The following DCHS1 variants were observed in gnomAD, a reference collection of about 807,000 sequenced individuals.
The protein encoded by DCHS1 is protocadherin-16.
A neutral mutation model predicts 213.9 loss-of-function variants in DCHS1; 78 were observed. The observed-to-expected ratio is 0.36, with a 90% CI of 0.30 to 0.44. The LOEUF is 0.44. DCHS1 is among the 20% of genes least tolerant of loss of function. The probability of loss-of-function intolerance (pLI) is 1.00; values close to 1 mark genes in which losing one functional copy is unlikely to be tolerated. For synonymous variants in DCHS1, 1,828 were observed against 1,873.7 expected, an observed-to-expected ratio of 0.98 and a Z score of 0.63; for missense variants, 3,946 against 4,395.9, an observed-to-expected ratio of 0.90 and a Z score of 2.89.
In DCHS1 at chr11:6,626,993, A is replaced by T; in HGVS notation, c.6046T>A (p.Tyr2016Asn). ...TPPPGTTVDS[Y>N]TGEIRVARSP... Reference sequence around the variant, plus strand: ...CGGGCCACGCGGATTTCACCAGTGTAAGAGTCCACAGTAGTGCCAGGAGGT... The same window carrying T: ...CGGGCCACGCGGATTTCACCAGTGTTAGAGTCCACAGTAGTGCCAGGAGGT... Residue 2016 changes from tyrosine (Y) to asparagine (N), a missense_variant, in exon 14 of 21, where the codon TAC becomes AAC. By Grantham distance (143) the Tyr-to-Asn change is moderately radical (BLOSUM62 -2). This residue lies in a region of DCHS1 where 3,384 missense variants were observed against 3,780.1 expected (regional missense o/e 0.90). Transcript: ENST00000299441. This position sits in a 1 kb window ranked among gnomAD's most constrained non-coding sequence, Gnocchi z 5.2. The T allele has an allele frequency of 6.2e-7, 1 of 1,613,748 alleles. No individual in the cohort carries two copies. Among genetic ancestry groups the T allele is most frequent in the Middle Eastern group, 1.6e-4 (1 of 6,062 alleles).
At position 6,626,714 on chromosome 11, in the gene DCHS1, T is replaced by C. The variant is rs370666095; in HGVS notation, c.6251-49A>G. Reference sequence around the variant, plus strand: ...GACTGTGAGCGCGAGACTGGGAGAGTTTGGGGGACATTTTCAAAGCACAAC... The same window carrying C: ...GACTGTGAGCGCGAGACTGGGAGAGCTTGGGGGACATTTTCAAAGCACAAC... On this transcript the variant is annotated intron_variant, in intron 14 of 20. Coordinates refer to ENST00000299441, the MANE Select transcript of DCHS1 (RefSeq NM_003737.4). The surrounding 1 kb of genome is among the most constrained non-coding windows in gnomAD (Gnocchi z 5.2). 60 of 1,609,392 alleles carry C rather than the reference T, an allele frequency of 3.7e-5. No individual in the cohort carries two copies. The highest frequency in any genetic ancestry group is 4.5e-5 in the Non-Finnish European group (53 of 1,178,120).
chr11:6,632,741 C>T lies in DCHS1; in HGVS notation c.2771G>A (p.Gly924Asp), dbSNP rs144475429. ...GGTAAAGGTGACTCGACTGTTAACA[C>T]CTGAGTCGGGGTCAAGAGCCCGCAG... is the stretch of plus-strand genomic sequence containing the variant. ...YTLRALDPDS[G>D]VNSRVTFTLL... is the part of the protein sequence containing the mutation. The change falls in exon 6 of 21, where the codon GGT becomes GAT. Residue 924 changes from glycine (G) to aspartate (D), a missense_variant. Physicochemically the swap from Gly to Asp is moderately conservative, Grantham distance 94. Around this residue, in one of 3 missense-constraint regions of DCHS1, gnomAD observed 3,384 missense variants for 3,780.1 expected, o/e 0.90. Transcript: ENST00000299441. This position sits in a 1 kb window ranked among gnomAD's most constrained non-coding sequence, Gnocchi z 5.9. 4 of 1,610,658 alleles carry T rather than the reference C, an allele frequency of 2.5e-6. No homozygotes were observed. Among genetic ancestry groups the T allele is most frequent in the Non-Finnish European group, 3.4e-6 (4 of 1,178,466 alleles).
Position 6,621,913 on chromosome 11 carries a change from A to G in DCHS1, c.9763T>C (p.Ser3255Pro). Residue 3255 changes from serine (S) to proline (P), a missense_variant, in exon 21 of 21, where the codon TCA (serine) becomes CCA (proline). Ser to Pro is a moderately conservative substitution (Grantham distance 74). Coordinates refer to ENST00000299441, the MANE Select transcript of DCHS1 (RefSeq NM_003737.4). ...LSSAAMSPSF[S>P]PSLSPLAARS... The stretch of plus-strand genomic sequence containing the variant: ...GCAGCCAGAGGAGACAGAGAGGGTG[A>G]GAAGCTGGGGGACATGGCAGCTGAG... 1 of 1,613,212 alleles carries G rather than the reference A, an allele frequency of 6.2e-7. No individual in the cohort carries two copies. Among genetic ancestry groups the G allele is most frequent in the Non-Finnish European group, 8.5e-7 (1 of 1,179,540 alleles).
intron 2 of DCHS1, 122 bp from the exon 3 acceptor site, chr11:6,634,428 G>A (rs986890685): frequency 1.0e-5 from 12 of 1,161,396 alleles, no homozygotes; most frequent in African/African-American, 1.5e-5. Context: ...GAGAGGACTA[G>A]TAGGACATGG....
At position 6,627,247 on chromosome 11, in the gene DCHS1, G is replaced by A; in HGVS notation, c.5792C>T (p.Ala1931Val). The A allele has an allele frequency of 6.2e-7, 1 of 1,613,422 alleles. No homozygotes were observed. Among genetic ancestry groups the A allele is most frequent in the Non-Finnish European group, 8.5e-7 (1 of 1,179,868 alleles). Residue 1931 changes from alanine (A) to valine (V), a missense_variant, in exon 14 of 21, where the codon GCA becomes GTA. Physicochemically the swap from Ala to Val is moderately conservative, Grantham distance 64. This residue lies in a region of DCHS1 where 3,384 missense variants were observed against 3,780.1 expected (regional missense o/e 0.90). Coordinates refer to ENST00000299441, the MANE Select transcript of DCHS1 (RefSeq NM_003737.4). This position sits in a 1 kb window ranked among gnomAD's most constrained non-coding sequence, Gnocchi z 5.4. The part of the protein sequence containing the change: ...QCPSYTFSVS[A>V]VDGAAAGPLS... ...GGGCCCAGCAGCTGCACCATCCACT[G>A]CACTCACAGAAAAGGTGTAGCTGGG...
In DCHS1 at chr11:6,626,365, C is replaced by T. The variant is rs142577975; in HGVS notation, c.6380G>A (p.Arg2127His). ...IQPSTGAITVRSAEGLDFEVS... is the reference protein window; with the variant it reads ...IQPSTGAITVHSAEGLDFEVS... Reference sequence around the variant, plus strand: ...CTCGAAGTCTAGCCCCTCTGCTGAGCGAACTGTGATGGCACCTGGGCGAGA... The same window carrying T: ...CTCGAAGTCTAGCCCCTCTGCTGAGTGAACTGTGATGGCACCTGGGCGAGA... The change falls in exon 16 of 21, where the codon CGC becomes CAC. Residue 2127 changes from arginine to histidine, a missense_variant. This residue lies in a region of DCHS1 where 3,384 missense variants were observed against 3,780.1 expected (regional missense o/e 0.90). Coordinates refer to ENST00000299441, the MANE Select transcript of DCHS1 (RefSeq NM_003737.4). The surrounding 1 kb of genome is among the most constrained non-coding windows in gnomAD (Gnocchi z 5.2). 164 of 1,613,312 alleles carry T rather than the reference C, an allele frequency of 1.0e-4. No homozygotes were observed. Among genetic ancestry groups the T allele is most frequent in the Admixed American group, 2.8e-4 (17 of 59,944 alleles).
intron 7 of DCHS1, 94 bp from the exon 8 acceptor site, chr11:6,631,501 T>C: frequency 6.3e-7 from 1 of 1,593,714 alleles, no homozygotes; most frequent in Non-Finnish European, 8.6e-7. Flanking sequence ...CAGAACCTCT[T>C]TTCGGCTCTC....
chr11:6,630,591 C>T lies in DCHS1; in HGVS notation c.4203G>A (p.Pro1401=). The T allele has an allele frequency of 6.5e-7, 1 of 1,539,616 alleles. No homozygotes were observed. The highest frequency in any genetic ancestry group is 8.7e-7 in the Non-Finnish European group (1 of 1,149,928). The change falls in exon 10 of 21, where the codon CCG becomes CCA. Residue 1401 remains proline, a synonymous_variant. Transcript: ENST00000299441. ...CAGCGCGTACCGTAAGCGCGCGCCACGGCGGGCCAGCTTCGAAGTCCAGGG... is the reference window on the plus strand; with the variant it reads ...CAGCGCGTACCGTAAGCGCGCGCCATGGCGGGCCAGCTTCGAAGTCCAGGG... ...ARPLDFEAGP[P]WRALTVRAEG... is the part of the protein sequence containing the mutation.
At chr11:6,646,321 T>C (rs1856154693) in intron 1 of DCHS1, among the ~76,000 whole-genome samples, 1 of 152,176 alleles carries the variant, frequency 6.6e-6, no homozygotes, top group African/African-American at 2.4e-5. Flanking sequence ...GGGGCCTCTG[T>C]CTGGACTGTG....
Position 6,625,003 on chromosome 11 carries a change from G to A in DCHS1, c.7147-135C>T, listed in dbSNP as rs974969532. ...TTGGAGCCCCTACTCCTAAGTATTC[G>A]AATGGGAAATGCCCACCTTCTCCCC... On this transcript the variant is annotated intron_variant, in intron 19 of 20. Coordinates refer to ENST00000299441, the MANE Select transcript of DCHS1 (RefSeq NM_003737.4). The surrounding 1 kb of genome is among the most constrained non-coding windows in gnomAD (Gnocchi z 5.3). The A allele has an allele frequency of 2.2e-5, 31 of 1,417,816 alleles. No individual in the cohort carries two copies. In the African/African-American group the frequency reaches 2.3e-4, roughly 10 times the overall value. The allele number at this position is 1,417,816 out of a possible 1,614,324, so 87.8% of individuals were successfully genotyped here. A position where few individuals can be genotyped will look rare whatever the true frequency, so the allele number is the denominator to read the frequency against.
At position 6,622,382 on chromosome 11, in the gene DCHS1, C is replaced by G. The variant is rs754199674; in HGVS notation, c.9294G>C (p.Leu3098=). ...AGAGAGTGGCTCCTGCACCTGGCAG[C>G]AGCAGCCCTGCCTTTCGGCCCTTAT... ...TWYKGRKAGL[L]LPGAGATLYR... The change falls in exon 21 of 21, where the codon CTG becomes CTC. Residue 3098 remains leucine (L), a synonymous_variant. Coordinates refer to ENST00000299441, the MANE Select transcript of DCHS1 (RefSeq NM_003737.4). The surrounding 1 kb of genome is among the most constrained non-coding windows in gnomAD (Gnocchi z 5.4). The G allele has an allele frequency of 1.0e-5, 16 of 1,563,388 alleles. No homozygotes were observed. Among genetic ancestry groups the G allele is most frequent in the Admixed American group, 1.9e-5 (1 of 53,134 alleles).
chr11:6,641,521 C>T lies in DCHS1; in HGVS notation c.93G>A (p.Leu31=), dbSNP rs762523684. 21 of 1,551,488 alleles carry T rather than the reference C, an allele frequency of 1.4e-5. No individual in the cohort carries two copies. Among genetic ancestry groups the T allele is most frequent in the Non-Finnish European group, 1.7e-5 (20 of 1,147,586 alleles). ...CACCTGGCACCCCAGCCCCCAGCAGCAGCAGCAGCAGCAGCAGCAATGGTA... is the reference window on the plus strand; with the variant it reads ...CACCTGGCACCCCAGCCCCCAGCAGTAGCAGCAGCAGCAGCAGCAATGGTA... The part of the protein sequence containing the change: ...LLLPLLLLLL[L]LLGAGVPGAW... Residue 31 remains leucine, a synonymous_variant, in exon 2 of 21, where the codon CTG becomes CTA. Coordinates refer to ENST00000299441, the MANE Select transcript of DCHS1 (RefSeq NM_003737.4). This position sits in a 1 kb window ranked among gnomAD's most constrained non-coding sequence, Gnocchi z 7.1.
Position 6,633,226 on chromosome 11 carries a change from ACATTCCTATGCCT to A in DCHS1, c.2455+173_2456-171del, listed in dbSNP as rs57010279. On this transcript the variant is annotated intron_variant, in intron 5 of 20. Transcript: ENST00000299441. ...AAGTTGGTTGGCACGCACTGAGGTGACATTCCTATGCCTCATGAAGCAGTGTGCCTGCACTGTG... is the reference window on the plus strand; with the variant it reads ...AAGTTGGTTGGCACGCACTGAGGTGACATGAAGCAGTGTGCCTGCACTGTG... 0.31 allele frequency among the ~76,000 whole-genome samples: 47,355 copies of A among 152,014 alleles called. 8,140 individuals are homozygous for A. Among genetic ancestry groups the A allele is most frequent in the East Asian group, 0.44 (2,267 of 5,142 alleles).
Position 6,625,064 on chromosome 11 carries a change from C to T in DCHS1, c.7146+134G>A. 1 of 1,404,002 alleles carries T rather than the reference C, an allele frequency of 7.1e-7. No homozygotes were observed. The highest frequency in any genetic ancestry group is 9.6e-7 in the Non-Finnish European group (1 of 1,037,386). 87.0% of individuals were successfully genotyped at this position (1,404,002 alleles called of 1,614,324 possible). A position where few individuals can be genotyped will look rare whatever the true frequency, so the allele number is the denominator to read the frequency against. ...CAGGATGCAAAACCAGGATGTAGTT[C>T]ACAGGACTTGGGACCTTCCCATTCC... On this transcript the variant is annotated intron_variant, in intron 19 of 20. Transcript: ENST00000299441. This position sits in a 1 kb window ranked among gnomAD's most constrained non-coding sequence, Gnocchi z 5.3.
At position 6,627,330 on chromosome 11, in the gene DCHS1, C is replaced by T. The variant is rs772448680; in HGVS notation, c.5709G>A (p.Leu1903=). 1.2e-6 allele frequency: 2 copies of T among 1,609,898 alleles called. No individual in the cohort carries two copies. The highest frequency in any genetic ancestry group is 1.7e-6 in the Non-Finnish European group (2 of 1,178,180). ...YLGAGTAGAF[L]LEPSSGELRT... The stretch of plus-strand genomic sequence containing the variant: ...GCAGTTCTCCAGAGCTGGGCTCCAG[C>T]AGGAAGGCTCCTGCTGTACCGGCGC... The change falls in exon 14 of 21, where the codon CTG becomes CTA. Residue 1903 remains leucine, a synonymous_variant. Coordinates refer to ENST00000299441, the MANE Select transcript of DCHS1 (RefSeq NM_003737.4). The surrounding 1 kb of genome is among the most constrained non-coding windows in gnomAD (Gnocchi z 5.4).
chr11:6,624,298 G>C lies in DCHS1; in HGVS notation c.7378C>G (p.Pro2460Ala). The C allele has an allele frequency of 6.3e-7, 1 of 1,592,748 alleles. No individual in the cohort carries two copies. The highest frequency in any genetic ancestry group is 8.5e-7 in the Non-Finnish European group (1 of 1,170,814). Residue 2460 changes from proline (P) to alanine (A), a missense_variant, in exon 21 of 21, where the codon CCA becomes GCA. Pro to Ala is a conservative substitution (Grantham distance 27, BLOSUM62 -1). This residue lies in a region of DCHS1 where 3,384 missense variants were observed against 3,780.1 expected (regional missense o/e 0.90). Coordinates refer to ENST00000299441, the MANE Select transcript of DCHS1 (RefSeq NM_003737.4). ...ACTGTGGCTCGTGCTGCCCGGCCTG[G>C]AGCCCCGTGGTCTCGTGCTTCCAGC... ...VVLEARDHGAPGRAARATVHV... is the reference protein window; with the variant it reads ...VVLEARDHGAAGRAARATVHV...
intron 1 of DCHS1, among the ~76,000 whole-genome samples, chr11:6,651,862 T>A (rs1856247098): frequency 6.6e-6 from 1 of 152,024 alleles, no homozygotes; most frequent in Non-Finnish European, 1.5e-5. Context: ...GAGATCAGGT[T>A]TGCACATGAT....
At chr11:6,646,846 AC>A (rs1271265226) in intron 1 of DCHS1, among the ~76,000 whole-genome samples, 2 of 151,242 alleles carry the variant, frequency 1.3e-5, no homozygotes, top group Non-Finnish European at 2.9e-5. Context: ...CTTCCCTCAC[AC>A]CCCCAGCCTG....
intron 1 of DCHS1, among the ~76,000 whole-genome samples, chr11:6,642,833 A>C (rs1856099070): frequency 1.3e-5 from 2 of 152,252 alleles, no homozygotes; most frequent in African/African-American, 4.8e-5. Flanking sequence ...GAAAGCAAAG[A>C]TCACGCAGAT....
Sources: allele counts gnomAD v4.1 joint callset (sites outside exome capture counted in the v4.1 genomes callset), GRCh38; gene constraint gnomAD v4.1.1; regional missense constraint gnomAD v4.1.1; non-coding constraint Gnocchi (gnomAD v3.1); transcripts MANE v1.5; gene names NCBI Gene and HGNC (gene_info 2026-07-23, HGNC 2026-07-21).